ARHGAP28: variants seen among roughly 807,000 people sequenced by gnomAD.
ARHGAP28 encodes Rho GTPase activating protein 28, also known as rho GTPase-activating protein 28.
A neutral mutation model predicts 90.7 loss-of-function variants in ARHGAP28; 56 were observed. The ratio of observed to expected loss-of-function variants is 0.62; its 90% CI spans 0.50 to 0.77. The LOEUF (loss-of-function observed/expected upper bound fraction) is 0.77, where lower values mean the gene tolerates loss of function less well. ARHGAP28 is among the 30% of genes least tolerant of loss of function. The pLI is 0.00. For synonymous variants in ARHGAP28, 308 were observed against 323.3 expected (o/e 0.95, Z 0.51); for missense variants, 869 against 900.9 (o/e 0.96, Z 0.45).
chr18:6,828,933 C>CA (rs1165275231), intron 2 of ARHGAP28, among the ~76,000 whole-genome samples: 1 of 152,188 alleles, frequency 6.6e-6, no homozygotes, highest in Non-Finnish European at 1.5e-5. Context: ...AACTTCAAGA[C>CA]AGTGGGCAGG....
intron 1 of ARHGAP28, among the ~76,000 whole-genome samples, chr18:6,770,842 A>G (rs1386937928): frequency 6.6e-6 from 1 of 152,162 alleles, no homozygotes; most frequent in Non-Finnish European, 1.5e-5. Context: ...TCAGAAAAAC[A>G]TAAAGAGAAT....
intron 1 of ARHGAP28, among the ~76,000 whole-genome samples, chr18:6,765,758 A>G: frequency 6.6e-6 from 1 of 152,116 alleles, no homozygotes; most frequent in East Asian, 1.9e-4. Context: ...TATTGCTATA[A>G]AATTCCCTCT....
At chr18:6,887,439 T>TTC (rs1225263550) in intron 12 of ARHGAP28, among the ~76,000 whole-genome samples, 200 bp downstream of exon 12, 1 of 150,706 alleles carries the variant, frequency 6.6e-6, no homozygotes. Flanking sequence ...TGTTTTTTTT[T>TTC]TTTTTTTGAG....
intron 10 of ARHGAP28, among the ~76,000 whole-genome samples, chr18:6,881,571 T>A (rs1452100096): frequency 6.6e-6 from 1 of 152,222 alleles, no homozygotes; most frequent in Non-Finnish European, 1.5e-5. Flanking sequence ...TGGGCAAGCA[T>A]GCAAACATGT....
At chr18:6,809,065 C>G (rs2056538664) in intron 1 of ARHGAP28, among the ~76,000 whole-genome samples, 1 of 152,224 alleles carries the variant, frequency 6.6e-6, no homozygotes. Context: ...GACTACTGGG[C>G]TCTGTGCAGG....
intron 3 of ARHGAP28, among the ~76,000 whole-genome samples, chr18:6,850,248 G>T (rs958991026): frequency 1.3e-5 from 2 of 152,030 alleles, no homozygotes; most frequent in African/African-American, 2.4e-5. Context: ...AATTATAAAT[G>T]TTCTTCTCTT....
At chr18:6,887,857 A>G (rs553255771) in intron 12 of ARHGAP28, among the ~76,000 whole-genome samples, 20 of 152,368 alleles carry the variant, frequency 1.3e-4, no homozygotes, top group African/African-American at 4.3e-4. Context: ...GAACAATGTC[A>G]TAAGTCAATA....
At chr18:6,813,308 A>G (rs1401891979) in intron 1 of ARHGAP28, among the ~76,000 whole-genome samples, 1 of 152,208 alleles carries the variant, frequency 6.6e-6, no homozygotes, top group African/African-American at 2.4e-5. Context: ...TAGTGCTGAT[A>G]CACTCCTTTT....
At chr18:6,880,745 G>C in intron 10 of ARHGAP28, among the ~76,000 whole-genome samples, 1 of 152,078 alleles carries the variant, frequency 6.6e-6, no homozygotes, top group East Asian at 1.9e-4. Flanking sequence ...AGCAGAGTTT[G>C]ACTCCTCTCT....
chr18:6,730,718 G>A (rs1230947544), intron 1 of ARHGAP28, among the ~76,000 whole-genome samples: 2 of 152,152 alleles, frequency 1.3e-5, no homozygotes, highest in Non-Finnish European at 2.9e-5. Flanking sequence ...GTAGACAAAA[G>A]TATTATGATG....
rs183565139 is a variant in ARHGAP28, at chr18:6,731,595, T to C, written c.122+1652T>C. The stretch of plus-strand genomic sequence containing the variant: ...ATTCACGTTGTTCCAAGTTTGCATT[T>C]TTGGTGACTGCCCTGCACTCTGTCT... On this transcript the variant is annotated intron_variant, in intron 1 of 17. Transcript: ENST00000383472. Among the ~76,000 whole-genome samples the C allele has an allele frequency of 9.6e-4, 146 of 152,216 alleles. 1 individual carries two copies. The highest frequency in any genetic ancestry group is 8.3e-4 in the South Asian group (4 of 4,826).
At chr18:6,827,924 A>T in intron 2 of ARHGAP28, among the ~76,000 whole-genome samples, 1 of 149,948 alleles carries the variant, frequency 6.7e-6, no homozygotes, top group African/African-American at 2.5e-5. Flanking sequence ...CCGGGCAGAG[A>T]CGCTCCTCAC....
At chr18:6,838,945 C>A (rs1600230973) in intron 3 of ARHGAP28, among the ~76,000 whole-genome samples, 2 of 152,250 alleles carry the variant, frequency 1.3e-5, no homozygotes, top group South Asian at 2.1e-4. Flanking sequence ...ATTCTTTGGG[C>A]CTGACATTTT....
rs553532918 is a variant in ARHGAP28, at chr18:6,877,592, C to T, written c.1290+1384C>T. On this transcript the variant is annotated intron_variant, in intron 10 of 17. Transcript: ENST00000383472. ...GGAGCAGGGCACCAGGGCATCAGGG[C>T]TCCGGGCATGTTGAGGGGTTACGGC... Among the ~76,000 whole-genome samples, 19 of 152,316 alleles carry T rather than the reference C, an allele frequency of 1.2e-4. No homozygotes were observed. In the South Asian group the frequency reaches 3.9e-3, roughly 32 times the overall value.
At chr18:6,853,518 G>A (rs1410688839) in intron 4 of ARHGAP28, among the ~76,000 whole-genome samples, 1 of 149,986 alleles carries the variant, frequency 6.7e-6, no homozygotes. Context: ...TGTTGTCCAA[G>A]CTGGAGTGCA....
intron 11 of ARHGAP28, among the ~76,000 whole-genome samples, chr18:6,885,705 T>G (rs2057214828): frequency 6.6e-6 from 1 of 152,112 alleles, no homozygotes; most frequent in African/African-American, 2.4e-5. Context: ...CAAATTAAAC[T>G]TAACTTAAAA....
At chr18:6,852,297 T>A (rs2056916933) in intron 4 of ARHGAP28, among the ~76,000 whole-genome samples, 1 of 152,144 alleles carries the variant, frequency 6.6e-6, no homozygotes, top group Non-Finnish European at 1.5e-5. Flanking sequence ...CCTATATAGA[T>A]AAAAGAAGAC....
intron 14 of ARHGAP28, among the ~76,000 whole-genome samples, chr18:6,893,959 T>C (rs1017692758): frequency 6.8e-6 from 1 of 148,142 alleles, no homozygotes; most frequent in Non-Finnish European, 1.5e-5. Flanking sequence ...CTCCACATCC[T>C]GGGTTCAAGT....
chr18:6,911,918 C>G, intron 17 of ARHGAP28, 142 bp from the exon 18 acceptor site: 1 of 431,734 alleles, frequency 2.3e-6, no homozygotes, highest in South Asian at 7.5e-5. Context: ...TGTTAAGAAA[C>G]CTTAACATAT....
Sources: allele counts gnomAD v4.1 joint callset (sites outside exome capture counted in the v4.1 genomes callset), GRCh38; gene constraint gnomAD v4.1.1; transcripts MANE v1.5; gene names NCBI Gene and HGNC (gene_info 2026-07-23, HGNC 2026-07-21).